Variants in KIF26B observed in about 807,000 individuals in gnomAD.
KIF26B encodes the protein kinesin family member 26B.
Under a neutral mutation model 151.2 loss-of-function variants are expected in KIF26B, and 63 were observed. That is an observed-to-expected ratio of 0.42 (90% CI 0.34 to 0.51). KIF26B has a LOEUF of 0.51. KIF26B is among the 20% of genes least tolerant of loss of function. The pLI is 0.07. For synonymous variants in KIF26B, 1,357 were observed against 1,262.1 expected (o/e 1.08, Z -1.59); for missense variants, 2,813 against 2,913.6 (o/e 0.97, Z 0.79).
intron 5 of KIF26B, among the ~76,000 whole-genome samples, chr1:245,550,097 T>C (rs1263023202): frequency 1.3e-5 from 2 of 152,088 alleles, no homozygotes; most frequent in Non-Finnish European, 2.9e-5. Context: ...TAGCACCGAG[T>C]GCTAGAGACA....
intron 4 of KIF26B, among the ~76,000 whole-genome samples, chr1:245,539,398 T>C (rs1366532259): frequency 6.6e-6 from 1 of 152,234 alleles, no homozygotes; most frequent in African/African-American, 2.4e-5. Context: ...TCTCGTGATG[T>C]GTTCTGCAAC....
At chr1:245,310,282 A>G (rs10924166) in intron 2 of KIF26B, among the ~76,000 whole-genome samples, 29,764 of 151,922 alleles carry the variant, frequency 0.2, 3,102 homozygotes, top group East Asian at 0.43. Context: ...TAGTTGTACA[A>G]TTATTTTACA....
intron 2 of KIF26B, among the ~76,000 whole-genome samples, chr1:245,278,985 C>G (rs1670987282): frequency 6.6e-6 from 1 of 152,160 alleles, no homozygotes; most frequent in Non-Finnish European, 1.5e-5. Context: ...TCCTCAGATT[C>G]ATTCTATTTA....
intron 3 of KIF26B, among the ~76,000 whole-genome samples, chr1:245,370,392 G>A (rs986747824): frequency 6.7e-6 from 1 of 149,042 alleles, no homozygotes; most frequent in Non-Finnish European, 1.5e-5. Flanking sequence ...GGCAAAAACC[G>A]CAATGACTTT....
chr1:245,412,621 CTT>C (rs1237288653), intron 3 of KIF26B, among the ~76,000 whole-genome samples: 1 of 152,178 alleles, frequency 6.6e-6, no homozygotes, highest in Non-Finnish European at 1.5e-5. Flanking sequence ...AGCCACACGT[CTT>C]TTATCTTGAT....
intron 5 of KIF26B, among the ~76,000 whole-genome samples, chr1:245,566,188 T>C (rs2043008690): frequency 6.6e-6 from 1 of 152,204 alleles, no homozygotes; most frequent in African/African-American, 2.4e-5. Flanking sequence ...TCACCATAGT[T>C]AGTGCATGCC....
At position 245,495,661 on chromosome 1, in the gene KIF26B, C is replaced by G. The variant is rs1415942155; in HGVS notation, c.1167-45106C>G. Among the ~76,000 whole-genome samples, 1 of 152,192 alleles carries G rather than the reference C, an allele frequency of 6.6e-6. No homozygotes were observed. Among genetic ancestry groups the G allele is most frequent in the African/African-American group, 2.4e-5 (1 of 41,450 alleles). On this transcript the variant is annotated intron_variant, in intron 4 of 14. Coordinates refer to ENST00000407071, the MANE Select transcript of KIF26B (RefSeq NM_018012.4). The surrounding 1 kb of genome is among the most constrained non-coding windows in gnomAD (Gnocchi z 4.2). The stretch of plus-strand genomic sequence containing the variant: ...AACCTCTCCCCATCCACCTCTCCTT[C>G]CTACCTTTCTCAGCCTCTAACACCT...
intron 2 of KIF26B, among the ~76,000 whole-genome samples, chr1:245,177,626 A>G (rs1668832778): frequency 6.6e-6 from 1 of 151,510 alleles, no homozygotes; most frequent in Non-Finnish European, 1.5e-5. Flanking sequence ...AAGGGGTAGG[A>G]TTCATTGCCT....
At position 245,685,544 on chromosome 1, in the gene KIF26B, ACTC is replaced by A. The variant is rs556724217; in HGVS notation, c.2566_2568del (p.Ser858del). The A allele has an allele frequency of 2.0e-5, 33 of 1,613,104 alleles. No individual in the cohort carries two copies. The African/African-American group carries it at 2.5e-4, about 12-fold the overall frequency. On this transcript the variant is annotated inframe_deletion, in exon 12 of 15. Coordinates refer to ENST00000407071, the MANE Select transcript of KIF26B (RefSeq NM_018012.4). ...GCTCACCTGTCCAGCGACCCCGACT[ACTC>A]CTCCAGCAGCGAGCAGTCCTGCGAC... is the stretch of plus-strand genomic sequence containing the variant.
At chr1:245,555,384 G>A (rs368928358) in intron 5 of KIF26B, among the ~76,000 whole-genome samples, 1 of 152,124 alleles carries the variant, frequency 6.6e-6, no homozygotes, top group African/African-American at 2.4e-5. Context: ...CGTCTCTTAC[G>A]TGTGCTTCTT....
intron 2 of KIF26B, among the ~76,000 whole-genome samples, chr1:245,277,016 T>C (rs929345666): frequency 2.0e-5 from 3 of 152,052 alleles, no homozygotes; most frequent in African/African-American, 4.8e-5. Flanking sequence ...GAGAAGGCCA[T>C]GCAAAGGTAG....
At chr1:245,467,565 G>A (rs1281716715) in intron 4 of KIF26B, among the ~76,000 whole-genome samples, 2 of 152,110 alleles carry the variant, frequency 1.3e-5, no homozygotes, top group Admixed American at 6.5e-5. Flanking sequence ...TTCCTAATGG[G>A]CCCCACCAGT....
At chr1:245,501,747 C>G (rs550548309) in intron 4 of KIF26B, among the ~76,000 whole-genome samples, 26 of 152,286 alleles carry the variant, frequency 1.7e-4, no homozygotes, top group African/African-American at 6.0e-4. Flanking sequence ...AGGCATATAG[C>G]AGTCTGAAAT....
chr1:245,333,940 G>A (rs1170077354), intron 2 of KIF26B, among the ~76,000 whole-genome samples: 1 of 152,058 alleles, frequency 6.6e-6, no homozygotes, highest in African/African-American at 2.4e-5. Context: ...GGAGGTTGCA[G>A]TGAGCTGAGA....
chr1:245,417,533 A>C (rs1674449639), intron 3 of KIF26B, among the ~76,000 whole-genome samples: 1 of 152,126 alleles, frequency 6.6e-6, no homozygotes, highest in Admixed American at 6.5e-5. Flanking sequence ...TGATGATTGA[A>C]TAGTTCTATT....
At chr1:245,648,842 C>T (rs1244856964) in intron 10 of KIF26B, among the ~76,000 whole-genome samples, 2 of 152,154 alleles carry the variant, frequency 1.3e-5, no homozygotes, top group Non-Finnish European at 2.9e-5. Context: ...TAAAGTGTTT[C>T]TGTGTCTCAA....
At chr1:245,630,097 G>C (rs1000273701) in intron 9 of KIF26B, among the ~76,000 whole-genome samples, 14 of 152,286 alleles carry the variant, frequency 9.2e-5, no homozygotes, top group African/African-American at 3.4e-4. Context: ...TGGTGGCAAG[G>C]CTGTGGAGAA....
chr1:245,362,257 G>C (rs372965079), intron 2 of KIF26B, among the ~76,000 whole-genome samples: 1 of 151,182 alleles, frequency 6.6e-6, no homozygotes, highest in East Asian at 2.0e-4. Flanking sequence ...GGCCGGGTGC[G>C]GTGGCTCATG....
chr1:245,662,057 A>G (rs1309289722), intron 10 of KIF26B, among the ~76,000 whole-genome samples: 1 of 150,726 alleles, frequency 6.6e-6, no homozygotes, highest in African/African-American at 2.4e-5. Flanking sequence ...ATATACATAC[A>G]CACATACCCC....
Sources: gnomAD v4.1 joint callset for allele counts (sites outside exome capture counted in the v4.1 genomes callset) on GRCh38, gnomAD v4.1.1 for gene constraint, Gnocchi (gnomAD v3.1) non-coding constraint, MANE v1.5 for transcripts, NCBI Gene and HGNC (gene_info 2026-07-23, HGNC 2026-07-21) for gene names.